The following SHISA5 variants were observed in gnomAD, a reference collection of about 807,000 sequenced individuals.
The protein encoded by SHISA5 is shisa family member 5, also known as protein shisa-5.
A neutral mutation model predicts 27.5 loss-of-function variants in SHISA5; 21 were observed. The observed-to-expected ratio is 0.76, with a 90% CI of 0.54 to 1.10. The LOEUF is 1.10. SHISA5 is among the 50% of genes least tolerant of loss of function. SHISA5 has a pLI of 0.00. For synonymous variants in SHISA5, 137 were observed against 142.2 expected, an observed-to-expected ratio of 0.96 and a Z score of 0.26; for missense variants, 314 against 336.3, an observed-to-expected ratio of 0.93 and a Z score of 0.52.
intron 2 of SHISA5, among the ~76,000 whole-genome samples, chr3:48,496,336 G>A (rs2041549895): frequency 6.6e-6 from 1 of 151,844 alleles, no homozygotes; most frequent in African/African-American, 2.4e-5. Flanking sequence ...GCTCATGCCT[G>A]TAATCCCAGC....
intron 2 of SHISA5, among the ~76,000 whole-genome samples, chr3:48,480,285 CA>C (rs57073358): frequency 0.099 from 10,175 of 103,244 alleles, 532 homozygotes; most frequent in African/African-American, 0.19. Context: ...TAAGAAGGTA[CA>C]AAAAAAAAAA....
chr3:48,495,834 T>A (rs1435223864), intron 2 of SHISA5, among the ~76,000 whole-genome samples: 1 of 147,082 alleles, frequency 6.8e-6, no homozygotes, highest in Admixed American at 6.6e-5. Context: ...TTTCCACATT[T>A]ATGTATCAAT....
Position 48,469,507 on chromosome 3 carries a change from G to A in SHISA5, c.497C>T (p.Pro166Leu), listed in dbSNP as rs140407949. The A allele has an allele frequency of 2.7e-5, 44 of 1,613,856 alleles. No individual in the cohort carries two copies. In the East Asian group the frequency reaches 3.3e-4, roughly 12 times the overall value. Residue 166 changes from proline (P) to leucine (L), a missense_variant, in exon 5 of 6, where the codon CCG becomes CTG. By Grantham distance (98) the Pro-to-Leu change is moderately conservative. Transcript: ENST00000296444. The surrounding 1 kb of genome is among the most constrained non-coding windows in gnomAD (Gnocchi z 4.6). Reference sequence around the variant, plus strand: ...GTAGCTTGGTCCAGGGTAGCTGGGCGGCACACTTGGAGGCTGAGGATAAGG... The same window carrying A: ...GTAGCTTGGTCCAGGGTAGCTGGGCAGCACACTTGGAGGCTGAGGATAAGG... ...HAPYPQPPSV[P>L]PSYPGPSYQG...
intron 2 of SHISA5, among the ~76,000 whole-genome samples, chr3:48,490,725 C>G (rs1193355109): frequency 6.6e-6 from 1 of 152,104 alleles, no homozygotes; most frequent in Non-Finnish European, 1.5e-5. Flanking sequence ...AACATTTTAC[C>G]CCAAAACATG....
At chr3:48,471,207 G>T (rs1188054421) in intron 3 of SHISA5, among the ~76,000 whole-genome samples, 1 of 152,004 alleles carries the variant, frequency 6.6e-6, no homozygotes, top group East Asian at 1.9e-4. Flanking sequence ...AGAGACAGGG[G>T]TCTCACTATG....
intron 3 of SHISA5, chr3:48,477,001 T>C (rs1297503824): frequency 2.3e-6 from 1 of 431,156 alleles, no homozygotes; most frequent in Admixed American, 2.9e-5. Flanking sequence ...GTCACCTCCC[T>C]GCTGCCACAA....
chr3:48,468,398 C>T lies in SHISA5; in HGVS notation c.*709G>A. The T allele has an allele frequency of 9.1e-7, 1 of 1,097,384 alleles. No individual in the cohort carries two copies. Among genetic ancestry groups the T allele is most frequent in the Non-Finnish European group, 1.1e-6 (1 of 895,016 alleles). The allele number at this position is 1,097,384 out of a possible 1,614,324, so 68.0% of individuals were successfully genotyped here. ...TAGGCTGTGTGTGCATGTGGCCCTC[C>T]AGCTGGTCCCAGGGGAGATGCGGGG... On this transcript the variant is annotated 3_prime_UTR_variant, in exon 6 of 6. Coordinates refer to ENST00000296444, the MANE Select transcript of SHISA5 (RefSeq NM_016479.6).
At chr3:48,482,644 T>G (rs2041061392) in intron 2 of SHISA5, among the ~76,000 whole-genome samples, 1 of 152,098 alleles carries the variant, frequency 6.6e-6, no homozygotes, top group South Asian at 2.1e-4. Context: ...ACTCACTTTT[T>G]TTTTTTTGAG....
intron 3 of SHISA5, among the ~76,000 whole-genome samples, chr3:48,477,789 A>C (rs971508386): frequency 2.6e-5 from 4 of 151,770 alleles, no homozygotes. Flanking sequence ...CACTCCCTCC[A>C]CACCCTGCCT....
intron 2 of SHISA5, among the ~76,000 whole-genome samples, chr3:48,480,070 AT>A (rs2040957523): frequency 6.6e-6 from 1 of 150,602 alleles, no homozygotes; most frequent in Non-Finnish European, 1.5e-5. Context: ...CGCCCGGCTA[AT>A]TTTTTGTATT....
intron 2 of SHISA5, chr3:48,479,543 C>T: frequency 2.4e-6 from 1 of 419,756 alleles, no homozygotes; most frequent in East Asian, 3.5e-5. Context: ...TCTCTGACCA[C>T]AACAGGATGA....
chr3:48,475,397 C>A (rs908278288), intron 3 of SHISA5, among the ~76,000 whole-genome samples: 4 of 152,142 alleles, frequency 2.6e-5, no homozygotes, highest in Admixed American at 1.3e-4. Context: ...GCCACCCCGG[C>A]AGGGAGTTTG....
intron 1 of SHISA5, chr3:48,502,440 A>C (rs745321884): frequency 2.2e-6 from 1 of 456,500 alleles, no homozygotes; most frequent in Admixed American, 2.4e-5. Context: ...AGGCAGTGGC[A>C]CCATCTGTAG....
rs2040475133 is a variant in SHISA5, at chr3:48,469,033, A to C, written c.*74T>G. Reference sequence around the variant, plus strand: ...ACACACACAGCACACATGGGGCGTAAGGAACCGCGCCTGCACACCACTCAC... The same window carrying C: ...ACACACACAGCACACATGGGGCGTACGGAACCGCGCCTGCACACCACTCAC... On this transcript the variant is annotated 3_prime_UTR_variant, in exon 6 of 6. Transcript: ENST00000296444. The surrounding 1 kb of genome is among the most constrained non-coding windows in gnomAD (Gnocchi z 4.6). 1 of 1,605,674 alleles carries C rather than the reference A, an allele frequency of 6.2e-7. No homozygotes were observed. Among genetic ancestry groups the C allele is most frequent in the South Asian group, 1.1e-5 (1 of 91,050 alleles).
intron 2 of SHISA5, among the ~76,000 whole-genome samples, chr3:48,495,383 T>A (rs1454122864): frequency 7.7e-6 from 1 of 130,476 alleles, no homozygotes; most frequent in Admixed American, 7.7e-5. Flanking sequence ...CAGGCTGGAG[T>A]GAAGTGGCTC....
At chr3:48,504,386 A>G, upstream of SHISA5, 1 of 292,004 alleles carries the variant, frequency 3.4e-6, no homozygotes, top group Admixed American at 5.2e-5. The surrounding 1 kb of genome is among the most constrained non-coding windows in gnomAD (Gnocchi z 4.0). Flanking sequence ...AGACTCGGAC[A>G]GGCGCCGGGC....
intron 2 of SHISA5, among the ~76,000 whole-genome samples, chr3:48,488,024 A>T (rs1044995235): frequency 1.3e-5 from 2 of 152,216 alleles, no homozygotes; most frequent in African/African-American, 4.8e-5. Flanking sequence ...TTTGAAGGAA[A>T]ACCAGTGAAG....
intron 3 of SHISA5, among the ~76,000 whole-genome samples, chr3:48,471,281 T>G (rs2040602087): frequency 6.6e-6 from 1 of 152,010 alleles, no homozygotes; most frequent in African/African-American, 2.4e-5. Flanking sequence ...CTCAAAGTGC[T>G]GAGATTAAAA....
chr3:48,472,443 C>T (rs1385620076), intron 3 of SHISA5, among the ~76,000 whole-genome samples: 1 of 152,190 alleles, frequency 6.6e-6, no homozygotes, highest in Non-Finnish European at 1.5e-5. Context: ...TTGCAGTGAG[C>T]AGAGATCGCG....
Sources: gnomAD v4.1 joint callset for allele counts (sites outside exome capture counted in the v4.1 genomes callset) on GRCh38, gnomAD v4.1.1 for gene constraint, Gnocchi (gnomAD v3.1) non-coding constraint, MANE v1.5 for transcripts, NCBI Gene and HGNC (gene_info 2026-07-23, HGNC 2026-07-21) for gene names.